Variants in PTBP2 observed in about 807,000 individuals in gnomAD.
PTBP2 encodes the protein polypyrimidine tract-binding protein 2.
A neutral mutation model predicts 61.4 loss-of-function variants in PTBP2; 13 were observed. That is an observed-to-expected ratio of 0.21 (90% confidence interval 0.14 to 0.34). PTBP2 has a LOEUF of 0.34. Among genes scored for constraint, PTBP2 ranks in the 10% least tolerant of loss-of-function variants. The pLI is 1.00. For missense variants in PTBP2, 405 were observed against 642.6 expected, an observed-to-expected ratio of 0.63 and a Z score of 4.00; for synonymous variants, 215 against 218.5, an observed-to-expected ratio of 0.98 and a Z score of 0.14.
intron 5 of PTBP2, among the ~76,000 whole-genome samples, chr1:96,776,049 C>T (rs1374176006): frequency 1.3e-5 from 2 of 151,866 alleles, no homozygotes; most frequent in Non-Finnish European, 2.9e-5. Context: ...GGAAAATAGA[C>T]TGGGTGACAG....
rs561340891 is a variant in PTBP2 at position 96,806,637 on chromosome 1, CTTTAA to C, written c.1078+192_1078+196del. Among the ~76,000 whole-genome samples the C allele has an allele frequency of 8.8e-3, 1,341 of 152,162 alleles. 9 individuals are homozygous for C. Among genetic ancestry groups the C allele is most frequent in the Non-Finnish European group, 0.014 (971 of 67,992 alleles). On this transcript the variant is annotated intron_variant, in intron 10 of 13. Coordinates refer to ENST00000674951, the MANE Select transcript of PTBP2 (RefSeq NM_021190.4). ...TGCATGCTAATTTATTTTGCATGGT[CTTTAA>C]TTTAATATCATTCACATAGCTTTGA...
chr1:96,750,085 G>A (rs1226183039), intron 2 of PTBP2, among the ~76,000 whole-genome samples: 3 of 151,882 alleles, frequency 2.0e-5, no homozygotes, highest in Non-Finnish European at 2.9e-5. Context: ...TAAACCTGGG[G>A]TTTTTAGATC....
chr1:96,778,034 T>C (rs1324634146), intron 7 of PTBP2, 88 bp downstream of exon 7: 9 of 529,524 alleles, frequency 1.7e-5, no homozygotes, highest in East Asian at 6.9e-5. Context: ...CTTAATGATA[T>C]CTTGTAGCAT....
intron 11 of PTBP2, among the ~76,000 whole-genome samples, chr1:96,809,517 G>A (rs901584459): frequency 1.4e-4 from 22 of 152,156 alleles, no homozygotes; most frequent in African/African-American, 5.3e-4. Context: ...AAGTTTGTTT[G>A]TTTGTTTGTT....
chr1:96,762,463 TCCC>T (rs1656047576), intron 3 of PTBP2, among the ~76,000 whole-genome samples: 1 of 132,366 alleles, frequency 7.6e-6, no homozygotes, highest in African/African-American at 2.9e-5. Context: ...CCCACCTCCC[TCCC>T]GGACGGGGCG....
At chr1:96,806,283 C>A in intron 9 of PTBP2, 136 bp from the exon 10 acceptor site, 1 of 766,556 alleles carries the variant, frequency 1.3e-6, no homozygotes. Context: ...CAATTAACCG[C>A]CTTGAACCAT....
At chr1:96,760,024 A>T (rs1655623867) in intron 3 of PTBP2, among the ~76,000 whole-genome samples, 1 of 152,174 alleles carries the variant, frequency 6.6e-6, no homozygotes, top group Non-Finnish European at 1.5e-5. Context: ...CTTCACTGTC[A>T]CGAGAACAGC....
At chr1:96,793,265 G>A (rs1660036889) in intron 8 of PTBP2, among the ~76,000 whole-genome samples, 1 of 152,156 alleles carries the variant, frequency 6.6e-6, no homozygotes, top group Non-Finnish European at 1.5e-5. Context: ...TGCTATAGCT[G>A]AATTTTTAAA....
chr1:96,773,636 A>G (rs981439872), intron 5 of PTBP2, among the ~76,000 whole-genome samples: 11 of 151,950 alleles, frequency 7.2e-5, no homozygotes, highest in South Asian at 6.2e-4. Context: ...ATTCCCCCCA[A>G]ATACCAAAGA....
chr1:96,775,444 A>G (rs1394619879), intron 5 of PTBP2, among the ~76,000 whole-genome samples: 2 of 152,194 alleles, frequency 1.3e-5, no homozygotes, highest in Non-Finnish European at 2.9e-5. Flanking sequence ...GGAATATTGT[A>G]TAGTAATAAA....
exon 14 of PTBP2, chr1:96,821,207 C>T (rs1181185252): frequency 6.6e-6 from 1 of 151,948 alleles, no homozygotes; most frequent in Admixed American, 6.6e-5. Flanking sequence ...ACTTTTGGCC[C>T]AATTTTAAGG....
At chr1:96,820,427 G>T (rs1287025986) in exon 14 of PTBP2, 1 of 152,064 alleles carries the variant, frequency 6.6e-6, no homozygotes, top group African/African-American at 2.4e-5. Flanking sequence ...AGCATAATGT[G>T]AATTTCATGT....
At chr1:96,739,316 CAT>C (rs976692429) in intron 2 of PTBP2, among the ~76,000 whole-genome samples, 2 of 152,096 alleles carry the variant, frequency 1.3e-5, no homozygotes, top group African/African-American at 2.4e-5. Flanking sequence ...CAAAAAAACA[CAT>C]AAAATTTACT....
chr1:96,769,880 A>G lies in PTBP2; in HGVS notation c.288+5A>G, dbSNP rs368013391. 3.2e-6 allele frequency: 5 copies of G among 1,579,532 alleles called. No individual in the cohort carries two copies. Among genetic ancestry groups the G allele is most frequent in the Non-Finnish European group, 3.4e-6 (4 of 1,164,388 alleles). ...ATGCTGAAAGGAAAAAATCAGGTAC[A>G]CTTCTTTCAGGGTTTATGAAATGTT... is the stretch of plus-strand genomic sequence containing the variant. On this transcript the variant is annotated splice_donor_5th_base_variant and intron_variant, in intron 4 of 13. Coordinates refer to ENST00000674951, the MANE Select transcript of PTBP2 (RefSeq NM_021190.4).
chr1:96,741,537 C>T (rs1198791738), intron 2 of PTBP2, among the ~76,000 whole-genome samples: 1 of 152,166 alleles, frequency 6.6e-6, no homozygotes, highest in African/African-American at 2.4e-5. Context: ...GCTGAGATTA[C>T]AGGCGTGAGT....
intron 2 of PTBP2, among the ~76,000 whole-genome samples, chr1:96,740,337 G>A (rs1652835431): frequency 6.6e-6 from 1 of 152,156 alleles, no homozygotes; most frequent in African/African-American, 2.4e-5. Flanking sequence ...TTTACTTTGT[G>A]TGCCTCACAT....
chr1:96,787,607 G>T (rs1168773313), intron 8 of PTBP2, among the ~76,000 whole-genome samples: 1 of 152,054 alleles, frequency 6.6e-6, no homozygotes, highest in Non-Finnish European at 1.5e-5. Flanking sequence ...TGAGTTAAAG[G>T]TTTTAAAAAT....
intron 3 of PTBP2, among the ~76,000 whole-genome samples, chr1:96,767,022 A>G (rs1406872026): frequency 6.6e-6 from 1 of 152,158 alleles, no homozygotes; most frequent in Non-Finnish European, 1.5e-5. Context: ...AATGATAGCA[A>G]TCTGAGAGTT....
downstream of PTBP2, chr1:96,815,310 C>A (rs1027281579): frequency 6.6e-6 from 1 of 151,322 alleles, no homozygotes; most frequent in Non-Finnish European, 1.5e-5. Flanking sequence ...TCTTACTAAT[C>A]TTAGACTACC....
Sources: gnomAD v4.1 joint callset for allele counts (sites outside exome capture counted in the v4.1 genomes callset) on GRCh38, gnomAD v4.1.1 for gene constraint, MANE v1.5 for transcripts, NCBI Gene and HGNC (gene_info 2026-07-23, HGNC 2026-07-21) for gene names.